EDIL3: variants seen among roughly 807,000 people sequenced by gnomAD.
EDIL3 encodes EGF like and discoidin domains 3.
A neutral mutation model predicts 67.4 loss-of-function variants in EDIL3; 37 were observed. The observed-to-expected ratio is 0.55, with a 90% CI of 0.42 to 0.72. EDIL3 has a LOEUF of 0.72. EDIL3 is among the 30% of genes least tolerant of loss of function. EDIL3 has a pLI of 0.00. For missense variants in EDIL3, 527 were observed against 586.3 expected (o/e 0.90, Z 1.04); for synonymous variants, 195 against 196.3 (o/e 0.99, Z 0.05).
intron 5 of EDIL3, among the ~76,000 whole-genome samples, chr5:84,134,081 T>C (rs1469746034): frequency 1.3e-5 from 2 of 152,118 alleles, no homozygotes; most frequent in African/African-American, 4.8e-5. Flanking sequence ...CCATGTAATT[T>C]TGCAACAGGT....
intron 9 of EDIL3, among the ~76,000 whole-genome samples, chr5:83,970,531 G>C (rs1744773240): frequency 1.4e-5 from 2 of 147,768 alleles, no homozygotes; most frequent in East Asian, 3.9e-4. Context: ...GATTAGATCA[G>C]TTAAATCTAC....
chr5:84,026,967 C>T (rs1329148908), intron 9 of EDIL3, among the ~76,000 whole-genome samples: 1 of 152,000 alleles, frequency 6.6e-6, no homozygotes, highest in Non-Finnish European at 1.5e-5. Context: ...TGGTGACATG[C>T]GCCTGTACTC....
At chr5:84,348,147 T>A (rs575588299) in intron 1 of EDIL3, among the ~76,000 whole-genome samples, 4 of 152,220 alleles carry the variant, frequency 2.6e-5, no homozygotes, top group Admixed American at 6.5e-5. Context: ...TTAATTCCAC[T>A]GAGCCAAACT....
rs191540757 is a variant in EDIL3 at position 84,139,140 on chromosome 5, G to C, written c.356-1786C>G. ...TAATCCCAGCTACTCAGGAGACTGA[G>C]GCAAGAGAATTGCTTGAACCCTGAA... On this transcript the variant is annotated intron_variant, in intron 4 of 10. Coordinates refer to ENST00000296591, the MANE Select transcript of EDIL3 (RefSeq NM_005711.5). Among the ~76,000 whole-genome samples the C allele has an allele frequency of 6.0e-4, 92 of 152,136 alleles. 1 individual carries two copies. In the East Asian group the frequency reaches 0.014, roughly 23 times the overall value.
At chr5:84,089,660 C>A (rs764467335) in intron 6 of EDIL3, among the ~76,000 whole-genome samples, 2 of 152,164 alleles carry the variant, frequency 1.3e-5, no homozygotes, top group Non-Finnish European at 2.9e-5. Context: ...AGTATCAATA[C>A]CCTTCCATAA....
At chr5:84,137,830 A>G (rs1253479743) in intron 4 of EDIL3, among the ~76,000 whole-genome samples, 6 of 152,352 alleles carry the variant, frequency 3.9e-5, no homozygotes, top group Admixed American at 3.9e-4. Context: ...TTTGATGAAT[A>G]CGATGAGAAG....
intron 1 of EDIL3, among the ~76,000 whole-genome samples, chr5:84,310,137 C>CT (rs145578570): frequency 0.02 from 3,085 of 152,296 alleles, 53 homozygotes; most frequent in South Asian, 0.042. Context: ...AAATGATACT[C>CT]TAAAGTCATT....
intron 4 of EDIL3, among the ~76,000 whole-genome samples, chr5:84,161,149 G>T (rs1425845226): frequency 6.6e-6 from 1 of 151,938 alleles, no homozygotes; most frequent in East Asian, 1.9e-4. Context: ...ATACCATCCA[G>T]GCTGTTGTGA....
chr5:84,375,347 G>A (rs305639), intron 1 of EDIL3, among the ~76,000 whole-genome samples: 1 of 152,134 alleles, frequency 6.6e-6, no homozygotes, highest in African/African-American at 2.4e-5. Flanking sequence ...TACTTAAAAT[G>A]ATTGCAGTTT....
At chr5:84,140,557 C>T (rs550199588) in intron 4 of EDIL3, among the ~76,000 whole-genome samples, 19 of 151,920 alleles carry the variant, frequency 1.3e-4, no homozygotes, top group Admixed American at 2.0e-4. Context: ...TAAGGACATC[C>T]GATTCTAAAA....
chr5:84,239,316 A>T (rs1316204372), intron 2 of EDIL3, among the ~76,000 whole-genome samples: 1 of 152,228 alleles, frequency 6.6e-6, no homozygotes, highest in Non-Finnish European at 1.5e-5. Context: ...AGTACTCCAG[A>T]TGTGATCTAA....
chr5:83,965,223 C>A (rs1240984329), intron 9 of EDIL3, among the ~76,000 whole-genome samples: 1 of 152,060 alleles, frequency 6.6e-6, no homozygotes, highest in Non-Finnish European at 1.5e-5. Context: ...ATTTCTAAAG[C>A]ATCACCACAC....
chr5:84,079,910 C>G (rs552709398), intron 6 of EDIL3, among the ~76,000 whole-genome samples: 1 of 151,942 alleles, frequency 6.6e-6, no homozygotes, highest in Admixed American at 6.6e-5. Flanking sequence ...GCATCATTAA[C>G]ACATTCTGTG....
intron 9 of EDIL3, among the ~76,000 whole-genome samples, chr5:83,993,640 G>A (rs1272573434): frequency 6.6e-6 from 1 of 152,030 alleles, no homozygotes; most frequent in Non-Finnish European, 1.5e-5. Context: ...TGAATCTCTT[G>A]GTCTCCCTAC....
intron 5 of EDIL3, among the ~76,000 whole-genome samples, chr5:84,127,143 T>A (rs1044786178): frequency 6.6e-6 from 1 of 152,058 alleles, no homozygotes; most frequent in Admixed American, 6.6e-5. Context: ...ATAATAGTGC[T>A]GAGTATTTAT....
intron 1 of EDIL3, 35 bp from the exon 2 acceptor site, chr5:84,254,247 T>G (rs1017365130): frequency 3.1e-6 from 5 of 1,589,676 alleles, no homozygotes; most frequent in Non-Finnish European, 4.3e-6. Context: ...TTGACATTTT[T>G]TTTTTGTCTT....
chr5:84,103,212 A>G (rs1212245683), intron 6 of EDIL3, among the ~76,000 whole-genome samples: 2 of 152,140 alleles, frequency 1.3e-5, no homozygotes, highest in Non-Finnish European at 2.9e-5. Flanking sequence ...ATATACACAA[A>G]TCAACTCAAG....
At chr5:84,210,298 G>A (rs1047075283) in intron 3 of EDIL3, among the ~76,000 whole-genome samples, 8 of 152,064 alleles carry the variant, frequency 5.3e-5, no homozygotes, top group African/African-American at 1.2e-4. Context: ...TTAATTTTAC[G>A]TTTTGCAATG....
intron 8 of EDIL3, among the ~76,000 whole-genome samples, 163 bp downstream of exon 8, chr5:84,064,537 A>G (rs2112239308): frequency 6.6e-6 from 1 of 152,302 alleles, no homozygotes; most frequent in East Asian, 1.9e-4. Context: ...TGTTTATTCT[A>G]TACATAAACA....
Sources: allele counts gnomAD v4.1 joint callset (sites outside exome capture counted in the v4.1 genomes callset), GRCh38; gene constraint gnomAD v4.1.1; transcripts MANE v1.5; gene names NCBI Gene and HGNC (gene_info 2026-07-23, HGNC 2026-07-21).